Variants in TENM4 observed in about 807,000 individuals in gnomAD.
TENM4 encodes teneurin transmembrane protein 4.
TENM4 carries 82 observed loss-of-function variants against 243.3 expected under a neutral mutation model. The observed-to-expected ratio is 0.34, with a 90% CI of 0.28 to 0.40. The LOEUF is 0.40. TENM4 is among the 10% of genes least tolerant of loss of function. The probability of loss-of-function intolerance (pLI) is 1.00; values close to 1 mark genes in which losing one functional copy is unlikely to be tolerated. For missense variants in TENM4, 3,138 were observed against 3,673.3 expected (o/e 0.85, Z 3.77); for synonymous variants, 1,412 against 1,456.3 (o/e 0.97, Z 0.69).
At chr11:79,063,288 G>A (rs2136979991) in intron 6 of TENM4, among the ~76,000 whole-genome samples, 1 of 152,300 alleles carries the variant, frequency 6.6e-6, no homozygotes, top group East Asian at 1.9e-4. Context: ...ACCCCTCTAA[G>A]CCTCATCTCT....
intron 12 of TENM4, among the ~76,000 whole-genome samples, chr11:78,832,868 C>A (rs567498910): frequency 6.6e-6 from 1 of 152,346 alleles, no homozygotes; most frequent in Non-Finnish European, 1.5e-5. Context: ...CGACATGTTC[C>A]AATCACCACA....
intron 12 of TENM4, among the ~76,000 whole-genome samples, chr11:78,836,827 T>C (rs1167087681): frequency 6.6e-6 from 1 of 152,178 alleles, no homozygotes; most frequent in African/African-American, 2.4e-5. Flanking sequence ...CTTAATGCAA[T>C]TTCTTAAACA....
At chr11:79,347,519 G>A (rs1857344388) in intron 1 of TENM4, among the ~76,000 whole-genome samples, 2 of 152,150 alleles carry the variant, frequency 1.3e-5, no homozygotes. Context: ...TAAGGTGGGG[G>A]CTCAGTGCCT....
intron 12 of TENM4, among the ~76,000 whole-genome samples, chr11:78,843,265 T>G (rs186655003): frequency 3.3e-5 from 5 of 151,720 alleles, no homozygotes; most frequent in Admixed American, 1.3e-4. Context: ...GTGACAAGAA[T>G]GAGACTCTGT....
intron 9 of TENM4, among the ~76,000 whole-genome samples, chr11:78,879,436 G>A (rs1032671069): frequency 3.7e-4 from 41 of 111,036 alleles, no homozygotes; most frequent in South Asian, 9.4e-4. Flanking sequence ...GCCCCGTCTG[G>A]GAGGTGGGGA....
At chr11:78,929,794 T>A (rs1304297657) in intron 6 of TENM4, among the ~76,000 whole-genome samples, 1 of 152,232 alleles carries the variant, frequency 6.6e-6, no homozygotes, top group African/African-American at 2.4e-5. Context: ...TCTGTCATTT[T>A]GGTGCAAAAT....
rs1857899107 is a variant in TENM4, at chr11:78,656,541, C to T, written c.*1517G>A. On this transcript the variant is annotated 3_prime_UTR_variant, in exon 34 of 34. Coordinates refer to ENST00000278550, the MANE Select transcript of TENM4 (RefSeq NM_001098816.3). The stretch of plus-strand genomic sequence containing the variant: ...TGGCTGCTGCCTCAGCTTGGGCGTG[C>T]TCTTCAGGTGTGGGCTGTCCCTGCT... 1.3e-5 allele frequency: 2 copies of T among 152,696 alleles called. No individual in the cohort carries two copies. Among genetic ancestry groups the T allele is most frequent in the African/African-American group, 4.8e-5 (2 of 41,472 alleles). The allele number at this position is 152,696 out of a possible 1,614,324, so 9.5% of individuals were successfully genotyped here. A position where few individuals can be genotyped will look rare whatever the true frequency, so the allele number is the denominator to read the frequency against.
intron 2 of TENM4, among the ~76,000 whole-genome samples, chr11:79,288,136 T>A (rs1158638274): frequency 1.3e-5 from 2 of 152,232 alleles, no homozygotes; most frequent in South Asian, 2.1e-4. Context: ...GGTCCCCTTG[T>A]GAAACTGCTA....
In TENM4 at chr11:78,856,864, C is replaced by T. The variant is rs1260684210; in HGVS notation, c.1256-686G>A. 5.3e-5 allele frequency among the ~76,000 whole-genome samples: 8 copies of T among 152,222 alleles called. No individual in the cohort carries two copies. The East Asian group carries it at 1.3e-3, about 26-fold the overall frequency. On this transcript the variant is annotated intron_variant, in intron 10 of 33. Transcript: ENST00000278550. ...AAAATGGGTCAAGCTGAGGGAATTT[C>T]CCAAGTTCACACACCAAGCCTATGC...
At chr11:79,126,428 A>G (rs1861877544) in intron 4 of TENM4, among the ~76,000 whole-genome samples, 1 of 152,230 alleles carries the variant, frequency 6.6e-6, no homozygotes, top group Non-Finnish European at 1.5e-5. Context: ...TATAGTGGGA[A>G]TAATTGGATC....
intron 1 of TENM4, among the ~76,000 whole-genome samples, chr11:79,350,134 T>G (rs987107024): frequency 1.1e-4 from 17 of 152,222 alleles, no homozygotes; most frequent in Non-Finnish European, 1.8e-4. Context: ...CACACATAAC[T>G]GTGCCTCCTG....
intron 1 of TENM4, among the ~76,000 whole-genome samples, chr11:79,308,263 A>T (rs2135408970): frequency 6.6e-6 from 1 of 152,392 alleles, no homozygotes; most frequent in South Asian, 2.1e-4. Context: ...TTCTAAATTC[A>T]TAAAATGAAA....
At chr11:79,380,564 A>G (rs758761312) in intron 1 of TENM4, among the ~76,000 whole-genome samples, 44 of 152,242 alleles carry the variant, frequency 2.9e-4, no homozygotes, top group Non-Finnish European at 3.7e-4. Context: ...TCCTTGTCGC[A>G]TAAGCTTGGG....
chr11:79,419,971 G>A (rs1459747799), intron 1 of TENM4, among the ~76,000 whole-genome samples: 1 of 152,216 alleles, frequency 6.6e-6, no homozygotes. Flanking sequence ...ATGTGTGTGT[G>A]AGTGAGAGAG....
intron 1 of TENM4, among the ~76,000 whole-genome samples, chr11:79,374,532 A>G (rs1460421543): frequency 6.7e-6 from 1 of 149,212 alleles, no homozygotes; most frequent in Non-Finnish European, 1.5e-5. Context: ...TTCCAACTAT[A>G]TATATCTATA....
chr11:79,223,743 T>A (rs572455407), intron 2 of TENM4, among the ~76,000 whole-genome samples: 1 of 152,310 alleles, frequency 6.6e-6, no homozygotes, highest in South Asian at 2.1e-4. Context: ...CAGATGCCCC[T>A]GTAGTGCTTA....
intron 2 of TENM4, among the ~76,000 whole-genome samples, chr11:79,229,794 T>G (rs796266007): frequency 6.6e-5 from 10 of 152,300 alleles, no homozygotes; most frequent in African/African-American, 2.4e-4. Context: ...TAATATTTGC[T>G]GAATGAATGA....
At chr11:79,083,299 A>G (rs1565196369) in intron 4 of TENM4, among the ~76,000 whole-genome samples, 1 of 152,220 alleles carries the variant, frequency 6.6e-6, no homozygotes, top group East Asian at 1.9e-4. Context: ...TTCTGTCCCT[A>G]GACAAGATAA....
intron 1 of TENM4, among the ~76,000 whole-genome samples, chr11:79,373,777 T>C (rs1325562111): frequency 2.6e-5 from 4 of 152,232 alleles, no homozygotes; most frequent in Non-Finnish European, 4.4e-5. Flanking sequence ...AAATGTTATA[T>C]AAAATATATT....
Sources: gnomAD v4.1 joint callset for allele counts (sites outside exome capture counted in the v4.1 genomes callset) on GRCh38, gnomAD v4.1.1 for gene constraint, MANE v1.5 for transcripts, NCBI Gene and HGNC (gene_info 2026-07-23, HGNC 2026-07-21) for gene names.